Variants in MARCHF1 observed in about 807,000 individuals in gnomAD.
The protein encoded by MARCHF1 is membrane associated ring-CH-type finger 1.
A neutral mutation model predicts 54.2 loss-of-function variants in MARCHF1; 40 were observed. That is an observed-to-expected ratio of 0.74 (90% CI 0.57 to 0.96). MARCHF1 has a LOEUF of 0.96. MARCHF1 is among the 40% of genes least tolerant of loss of function. MARCHF1 has a pLI of 0.00. For missense variants in MARCHF1, 586 were observed against 656.5 expected (o/e 0.89, Z 1.17); for synonymous variants, 236 against 236.3 (o/e 1.00, Z 0.01).
chr4:164,035,130 A>C (rs1055576757), intron 2 of MARCHF1, among the ~76,000 whole-genome samples: 1 of 152,142 alleles, frequency 6.6e-6, no homozygotes, highest in Non-Finnish European at 1.5e-5. Flanking sequence ...ATGAAAATTT[A>C]CTTATATAAT....
At chr4:164,159,370 C>A (rs1434858455) in intron 1 of MARCHF1, among the ~76,000 whole-genome samples, 3 of 151,918 alleles carry the variant, frequency 2.0e-5, no homozygotes, top group Non-Finnish European at 4.4e-5. Context: ...TTTTCTTTAC[C>A]ACAAAACGTC....
At chr4:163,909,385 G>T (rs1031981743) in intron 3 of MARCHF1, among the ~76,000 whole-genome samples, 2 of 152,106 alleles carry the variant, frequency 1.3e-5, no homozygotes, top group Non-Finnish European at 2.9e-5. Flanking sequence ...CCCATAAATT[G>T]TGTCCTACTG....
intron 3 of MARCHF1, among the ~76,000 whole-genome samples, chr4:163,897,642 G>A (rs1013070594): frequency 2.0e-5 from 3 of 152,036 alleles, no homozygotes; most frequent in African/African-American, 7.2e-5. Flanking sequence ...TTCAATAAAA[G>A]GTGCTGGGAA....
chr4:164,121,417 G>A (rs955524036), intron 1 of MARCHF1, among the ~76,000 whole-genome samples: 3 of 152,066 alleles, frequency 2.0e-5, no homozygotes, highest in Non-Finnish European at 2.9e-5. Context: ...TTACAATCAT[G>A]GTGGAAGGGG....
chr4:163,534,236 C>T (rs750551177), intron 9 of MARCHF1, among the ~76,000 whole-genome samples: 1 of 152,084 alleles, frequency 6.6e-6, no homozygotes, highest in Non-Finnish European at 1.5e-5. Flanking sequence ...AACACTCTTT[C>T]CTGCTAATCC....
intron 3 of MARCHF1, among the ~76,000 whole-genome samples, chr4:163,958,015 G>C (rs897429955): frequency 6.6e-6 from 1 of 151,940 alleles, no homozygotes; most frequent in Non-Finnish European, 1.5e-5. Context: ...TACAATAAGA[G>C]CCCGAAAGAC....
rs531138881 is a variant in MARCHF1 at position 163,978,179 on chromosome 4, G to C, written c.-39+10322C>G. 2.3e-4 allele frequency among the ~76,000 whole-genome samples: 35 copies of C among 152,160 alleles called. 1 individual carries two copies. In the East Asian group the frequency reaches 2.7e-3, roughly 12 times the overall value. ...AACAAACATGGTCTGTTTAAGTAGA[G>C]GTCAGGCCATTGGCAAACTTCAAAT... On this transcript the variant is annotated intron_variant, in intron 3 of 9. Coordinates refer to ENST00000514618, the MANE Select transcript of MARCHF1 (RefSeq NM_001394959.1).
At chr4:164,243,406 T>A (rs529825705) in intron 1 of MARCHF1, among the ~76,000 whole-genome samples, 7 of 150,908 alleles carry the variant, frequency 4.6e-5, no homozygotes, top group Admixed American at 1.3e-4. Flanking sequence ...AGAAATAAAA[T>A]CCTTTACAGA....
intron 1 of MARCHF1, among the ~76,000 whole-genome samples, chr4:164,380,396 C>T (rs1731333128): frequency 6.6e-6 from 1 of 152,174 alleles, no homozygotes; most frequent in African/African-American, 2.4e-5. Flanking sequence ...ATGAGAAAGG[C>T]AAGGCAGATA....
At chr4:163,791,022 T>C (rs1747761167) in intron 4 of MARCHF1, among the ~76,000 whole-genome samples, 1 of 152,150 alleles carries the variant, frequency 6.6e-6, no homozygotes, top group Non-Finnish European at 1.5e-5. Context: ...TGACTCCTCT[T>C]TGGTTTAACA....
At chr4:164,357,213 G>A (rs1730583186) in intron 1 of MARCHF1, among the ~76,000 whole-genome samples, 1 of 151,944 alleles carries the variant, frequency 6.6e-6, no homozygotes, top group South Asian at 2.1e-4. Flanking sequence ...ATCAGTTTCA[G>A]CAAGTTAAAC....
intron 7 of MARCHF1, among the ~76,000 whole-genome samples, chr4:163,586,383 C>T (rs1213451087): frequency 6.6e-6 from 1 of 152,082 alleles, no homozygotes; most frequent in Admixed American, 6.5e-5. Context: ...AAAAAGTCCC[C>T]AATCCAACAC....
At chr4:163,921,151 C>T (rs12646602) in intron 3 of MARCHF1, among the ~76,000 whole-genome samples, 34,305 of 152,018 alleles carry the variant, frequency 0.23, 4,868 homozygotes, top group African/African-American at 0.4. Flanking sequence ...ATAAGAAACT[C>T]ATATGAGAAG....
chr4:163,881,008 G>T (rs1401384208), intron 3 of MARCHF1, among the ~76,000 whole-genome samples: 1 of 152,092 alleles, frequency 6.6e-6, no homozygotes, highest in Non-Finnish European at 1.5e-5. Context: ...ATTAAATTAG[G>T]AATAGGGATA....
At chr4:163,837,433 G>A (rs1300584188) in intron 4 of MARCHF1, among the ~76,000 whole-genome samples, 1 of 152,166 alleles carries the variant, frequency 6.6e-6, no homozygotes, top group Non-Finnish European at 1.5e-5. Context: ...TTTATAAGTT[G>A]CATGTAAGAG....
chr4:163,687,845 C>G (rs1469077575), intron 5 of MARCHF1, among the ~76,000 whole-genome samples: 2 of 152,038 alleles, frequency 1.3e-5, no homozygotes, highest in Non-Finnish European at 2.9e-5. Flanking sequence ...TATATGTCAC[C>G]ATTTCTTCAT....
intron 3 of MARCHF1, among the ~76,000 whole-genome samples, chr4:163,910,773 GGGCGTGAGCCACCAC>G (rs1170508207): frequency 6.6e-6 from 1 of 152,026 alleles, no homozygotes; most frequent in Non-Finnish European, 1.5e-5. Flanking sequence ...TTGGGATTAC[GGGCGTGAGCCACCAC>G]GCCCAGCCCA....
intron 2 of MARCHF1, among the ~76,000 whole-genome samples, chr4:164,081,709 TACACACACACACAC>T (rs145723294): frequency 6.6e-6 from 1 of 151,084 alleles, no homozygotes; most frequent in Non-Finnish European, 1.5e-5. Flanking sequence ...TGCATGCATA[TACACACACACACAC>T]ATGCACACAC....
At chr4:163,646,950 G>A (rs908240082) in intron 5 of MARCHF1, among the ~76,000 whole-genome samples, 5 of 152,136 alleles carry the variant, frequency 3.3e-5, no homozygotes, top group Non-Finnish European at 7.4e-5. Flanking sequence ...TAAATTATCT[G>A]ATGAAAAGAC....
Sources: gnomAD v4.1 joint callset for allele counts (sites outside exome capture counted in the v4.1 genomes callset) on GRCh38, gnomAD v4.1.1 for gene constraint, MANE v1.5 for transcripts, NCBI Gene and HGNC (gene_info 2026-07-23, HGNC 2026-07-21) for gene names.